The following GRID1 variants were observed in gnomAD, a reference collection of about 807,000 sequenced individuals.
GRID1 encodes the protein glutamate receptor ionotropic, delta-1.
GRID1 carries 28 observed loss-of-function variants against 98.0 expected under a neutral mutation model. That is an observed-to-expected ratio of 0.29 (90% CI 0.21 to 0.39). The LOEUF (loss-of-function observed/expected upper bound fraction) is 0.39. Ranked by LOEUF, GRID1 falls within the 10% of genes least tolerant of loss-of-function variation. The pLI, the probability that GRID1 is intolerant of heterozygous loss-of-function variation, is 1.00. For synonymous variants in GRID1, 553 were observed against 538.5 expected, an observed-to-expected ratio of 1.03 and a Z score of -0.37; for missense variants, 1,111 against 1,340.5, an observed-to-expected ratio of 0.83 and a Z score of 2.67.
intron 10 of GRID1, among the ~76,000 whole-genome samples, chr10:85,727,511 A>G (rs1184465662): frequency 6.6e-6 from 1 of 152,096 alleles, no homozygotes; most frequent in African/African-American, 2.4e-5. Context: ...GAGAATGAGC[A>G]CTCATCAGTA....
chr10:86,296,823 A>G (rs999466088), intron 2 of GRID1, among the ~76,000 whole-genome samples: 1 of 147,044 alleles, frequency 6.8e-6, no homozygotes, highest in Non-Finnish European at 1.5e-5. Context: ...ACATACATAC[A>G]TACATACATA....
chr10:86,200,636 TAA>T (rs1181407599), intron 3 of GRID1, among the ~76,000 whole-genome samples: 1 of 152,054 alleles, frequency 6.6e-6, no homozygotes, highest in Non-Finnish European at 1.5e-5. Flanking sequence ...GAGCTAGCCA[TAA>T]AAAAAGATGA....
intron 8 of GRID1, among the ~76,000 whole-genome samples, chr10:85,762,540 C>G (rs1016351672): frequency 1.3e-5 from 2 of 152,290 alleles, no homozygotes; most frequent in African/African-American, 4.8e-5. Context: ...AGTTGCTCCC[C>G]AGTCTGCCCC....
At chr10:85,842,421 A>T (rs924933212) in intron 8 of GRID1, among the ~76,000 whole-genome samples, 1 of 152,048 alleles carries the variant, frequency 6.6e-6, no homozygotes, top group African/African-American at 2.4e-5. Context: ...CCCATGACAC[A>T]CATTTACGTA....
chr10:86,083,081 G>A (rs576453565), intron 4 of GRID1, among the ~76,000 whole-genome samples: 4 of 152,254 alleles, frequency 2.6e-5, no homozygotes, highest in Non-Finnish European at 5.9e-5. Context: ...GCTCAGTAAA[G>A]TCTGTGAAAT....
At chr10:86,116,576 G>A (rs1844584157) in intron 4 of GRID1, among the ~76,000 whole-genome samples, 1 of 152,186 alleles carries the variant, frequency 6.6e-6, no homozygotes, top group Admixed American at 6.5e-5. Context: ...GACTTCTCTA[G>A]GGCTGAGAGT....
intron 12 of GRID1, among the ~76,000 whole-genome samples, chr10:85,664,499 G>T (rs1049252693): frequency 3.3e-5 from 5 of 152,268 alleles, no homozygotes; most frequent in African/African-American, 1.2e-4. Flanking sequence ...TGTAATGTCT[G>T]AATGTATTTA....
intron 2 of GRID1, among the ~76,000 whole-genome samples, chr10:86,319,855 T>C (rs1458564339): frequency 6.6e-6 from 1 of 152,156 alleles, no homozygotes; most frequent in Admixed American, 6.5e-5. Context: ...CCTCCTAGGA[T>C]CAGATATTAG....
chr10:85,644,101 G>A (rs151253048), intron 13 of GRID1: 74 of 152,296 alleles, frequency 4.9e-4, no homozygotes, highest in Non-Finnish European at 8.4e-4. Context: ...GGCACATGTC[G>A]CCTGCAAAGA....
intron 4 of GRID1, among the ~76,000 whole-genome samples, chr10:86,047,880 G>A (rs1279761908): frequency 6.6e-6 from 1 of 152,180 alleles, no homozygotes; most frequent in African/African-American, 2.4e-5. Flanking sequence ...CAAGAACTTA[G>A]GCGTAAACTC....
At position 86,065,634 on chromosome 10, in the gene GRID1, A is replaced by C. The variant is rs886846776; in HGVS notation, c.726+73185T>G. ...GCACCTAACACAAAGCCAGGCCCTTAGTCAGGGCTCAGGAACTTCTGCAGA... is the reference window on the plus strand; with the variant it reads ...GCACCTAACACAAAGCCAGGCCCTTCGTCAGGGCTCAGGAACTTCTGCAGA... On this transcript the variant is annotated intron_variant, in intron 4 of 15. Transcript: ENST00000327946. Among the ~76,000 whole-genome samples, 164 of 152,206 alleles carry C rather than the reference A, an allele frequency of 1.1e-3. 3 individuals carry two copies. The highest frequency in any genetic ancestry group is 0.011 in the Admixed American group (162 of 15,286).
At chr10:86,033,793 C>T (rs1472238070) in intron 4 of GRID1, among the ~76,000 whole-genome samples, 1 of 152,218 alleles carries the variant, frequency 6.6e-6, no homozygotes, top group Admixed American at 6.5e-5. Flanking sequence ...GAAATGGTAA[C>T]CACTCCTACC....
At chr10:86,288,084 C>A (rs1248306054) in intron 2 of GRID1, among the ~76,000 whole-genome samples, 4 of 152,144 alleles carry the variant, frequency 2.6e-5, no homozygotes. Flanking sequence ...AGGAAGATGC[C>A]AGGCTGCCCG....
At chr10:86,316,189 G>T (rs1467672715) in intron 2 of GRID1, among the ~76,000 whole-genome samples, 2 of 152,192 alleles carry the variant, frequency 1.3e-5, no homozygotes, top group East Asian at 1.9e-4. Context: ...TGACCTTCTG[G>T]TGCTGCACTC....
chr10:86,321,828 A>C (rs4244971), intron 2 of GRID1, among the ~76,000 whole-genome samples: 121,472 of 152,044 alleles, frequency 0.8, 49,419 homozygotes, highest in Non-Finnish European at 0.88. Context: ...CAGCTGGCAC[A>C]ACAGTGCAGA....
intron 4 of GRID1, among the ~76,000 whole-genome samples, chr10:86,091,893 C>T (rs1844154900): frequency 6.6e-6 from 1 of 152,200 alleles, no homozygotes; most frequent in African/African-American, 2.4e-5. Flanking sequence ...ACAGCAATCA[C>T]TGTAGTTCGG....
chr10:85,918,010 G>A (rs1469630010), intron 4 of GRID1, among the ~76,000 whole-genome samples: 1 of 152,240 alleles, frequency 6.6e-6, no homozygotes, highest in Admixed American at 6.5e-5. Context: ...TGATGAAGAG[G>A]TGGAGGGAGA....
intron 2 of GRID1, among the ~76,000 whole-genome samples, chr10:86,308,894 T>C (rs929560283): frequency 1.6e-4 from 25 of 152,218 alleles, no homozygotes; most frequent in African/African-American, 5.8e-4. Flanking sequence ...AATCCATTCA[T>C]GAGAGCAGAG....
At chr10:85,613,318 T>A in intron 15 of GRID1, 89 bp downstream of exon 15, 1 of 1,315,494 alleles carries the variant, frequency 7.6e-7, no homozygotes, top group Non-Finnish European at 1.0e-6. Context: ...AGGTAAATAC[T>A]AACTAGAAAC....
Sources: gnomAD v4.1 joint callset for allele counts (sites outside exome capture counted in the v4.1 genomes callset) on GRCh38, gnomAD v4.1.1 for gene constraint, MANE v1.5 for transcripts, NCBI Gene and HGNC (gene_info 2026-07-23, HGNC 2026-07-21) for gene names.